Variants in RPL39L observed in about 807,000 individuals in gnomAD.
The protein encoded by RPL39L is ribosomal protein eL39-like 2.
For missense variants in RPL39L, 48 were observed against 58.9 expected, an observed-to-expected ratio of 0.81 and a Z score of 0.61; for synonymous variants, 16 against 20.1, an observed-to-expected ratio of 0.80 and a Z score of 0.55.
rs577325596 is a variant in RPL39L, at chr3:187,121,666, A to T, written c.-28-338T>A. ...TTTCAACTTTAAAAAAGTTACGAAC[A>T]GGTAATACCAGTTCATTACAGAAAA... On this transcript the variant is annotated intron_variant, in intron 2 of 2. Coordinates refer to ENST00000296277, the MANE Select transcript of RPL39L (RefSeq NM_052969.3). Among the ~76,000 whole-genome samples, 5 of 152,356 alleles carry T rather than the reference A, an allele frequency of 3.3e-5. No homozygotes were observed. The East Asian group carries it at 9.6e-4, about 29-fold the overall frequency.
chr3:187,131,913 A>C (rs1484168582), intron 1 of RPL39L, among the ~76,000 whole-genome samples: 1 of 152,190 alleles, frequency 6.6e-6, no homozygotes, highest in Non-Finnish European at 1.5e-5. Context: ...TAATGTCACT[A>C]TCTTGACTAT....
At chr3:187,131,160 G>A (rs898364802) in intron 1 of RPL39L, among the ~76,000 whole-genome samples, 9 of 152,076 alleles carry the variant, frequency 5.9e-5, no homozygotes, top group Non-Finnish European at 1.2e-4. Context: ...TTCTGTATTT[G>A]CGACCACTGT....
intron 1 of RPL39L, among the ~76,000 whole-genome samples, chr3:187,134,935 A>T (rs1324491788): frequency 6.6e-6 from 1 of 152,202 alleles, no homozygotes; most frequent in Non-Finnish European, 1.5e-5. Context: ...CACAGTGCTG[A>T]CCTGATCAGT....
intron 1 of RPL39L, among the ~76,000 whole-genome samples, chr3:187,138,792 C>T (rs924660866): frequency 5.3e-5 from 8 of 152,122 alleles, no homozygotes; most frequent in African/African-American, 9.7e-5. Context: ...AGGAGCAGTG[C>T]CTCACGCCTG....
At chr3:187,128,627 A>G (rs1295113433) in intron 1 of RPL39L, among the ~76,000 whole-genome samples, 1 of 152,146 alleles carries the variant, frequency 6.6e-6, no homozygotes, top group Non-Finnish European at 1.5e-5. Flanking sequence ...CTCCTGCCTC[A>G]GTCTCCTGAA....
chr3:187,132,707 A>G lies in RPL39L; in HGVS notation c.-92-4645T>C, dbSNP rs545056371. ...GCCTAGGATGTAGAAACCTAGAAAG[A>G]GCATCGCTCCTATGCCAACAACCAG... On this transcript the variant is annotated intron_variant, in intron 1 of 2. Coordinates refer to ENST00000296277, the MANE Select transcript of RPL39L (RefSeq NM_052969.3). 2.6e-5 allele frequency among the ~76,000 whole-genome samples: 4 copies of G among 152,334 alleles called. No individual in the cohort carries two copies. In the East Asian group the frequency reaches 7.7e-4, roughly 29 times the overall value.
chr3:187,132,769 A>T (rs1281230764), intron 1 of RPL39L, among the ~76,000 whole-genome samples: 1 of 152,206 alleles, frequency 6.6e-6, no homozygotes, highest in Non-Finnish European at 1.5e-5. Context: ...AACTCAGAGG[A>T]CTGAGGTTAG....
intron 1 of RPL39L, among the ~76,000 whole-genome samples, chr3:187,128,489 A>G (rs1286936909): frequency 6.6e-6 from 1 of 152,134 alleles, no homozygotes; most frequent in Non-Finnish European, 1.5e-5. Flanking sequence ...GGAAACCATT[A>G]TAACAGTTTT....
At chr3:187,134,036 A>C (rs1323139647) in intron 1 of RPL39L, among the ~76,000 whole-genome samples, 1 of 152,180 alleles carries the variant, frequency 6.6e-6, no homozygotes, top group Admixed American at 6.5e-5. Flanking sequence ...GAGGGAAAGT[A>C]ATCAACAGAA....
chr3:187,127,704 T>C (rs1720422295), intron 2 of RPL39L, among the ~76,000 whole-genome samples: 1 of 152,208 alleles, frequency 6.6e-6, no homozygotes, highest in Non-Finnish European at 1.5e-5. Context: ...AAGTATAAAA[T>C]GTAAAAGTTT....
Position 187,139,442 on chromosome 3 carries a change from G to C in RPL39L, c.-322C>G, listed in dbSNP as rs1260291854. Reference sequence around the variant, plus strand: ...TCGCCCCCACCTGGCGTTCGGAGGCGGTTGCCTCGCTGGGCGCAGCAATTC... The same window carrying C: ...TCGCCCCCACCTGGCGTTCGGAGGCCGTTGCCTCGCTGGGCGCAGCAATTC... On this transcript the variant is annotated 5_prime_UTR_variant, in exon 1 of 3. Coordinates refer to ENST00000296277, the MANE Select transcript of RPL39L (RefSeq NM_052969.3). 6.6e-6 allele frequency: 1 copy of C among 152,204 alleles called. No individual in the cohort carries two copies. The highest frequency in any genetic ancestry group is 6.5e-5 in the Admixed American group (1 of 15,286). The allele number at this position is 152,204 out of a possible 1,614,324, so 9.4% of individuals were successfully genotyped here.
intron 1 of RPL39L, among the ~76,000 whole-genome samples, chr3:187,138,517 G>A (rs1051855747): frequency 1.3e-5 from 2 of 152,196 alleles, no homozygotes; most frequent in East Asian, 3.8e-4. Flanking sequence ...AAGTGTTTGC[G>A]CCTGTGAGAA....
In RPL39L at chr3:187,127,891, A is replaced by C. The variant is rs192292871; in HGVS notation, c.-29+108T>G. ...TACAGCCTTCATCCCTAATTTAAAA[A>C]TATCTACAAAACTAAAAAGAAACTA... On this transcript the variant is annotated intron_variant, in intron 2 of 2. Transcript: ENST00000296277. The C allele has an allele frequency of 6.6e-5, 10 of 152,384 alleles. No individual in the cohort carries two copies. The East Asian group carries it at 1.9e-3, about 29-fold the overall frequency. 9.4% of individuals were successfully genotyped at this position (152,384 alleles called of 1,614,324 possible).
rs202061434 is a variant in RPL39L at position 187,126,236 on chromosome 3, A to G, written c.-29+1763T>C. 5.8e-3 allele frequency among the ~76,000 whole-genome samples: 868 copies of G among 150,218 alleles called. 16 individuals carry two copies. The highest frequency in any genetic ancestry group is 0.053 in the East Asian group (270 of 5,116). On this transcript the variant is annotated intron_variant, in intron 2 of 2. Transcript: ENST00000296277. Reference sequence around the variant, plus strand: ...GAGTGCAATGGCGCCATCTCAGCTCACTGCAACCTCTGCCTCCCGGGTTCA... The same window carrying G: ...GAGTGCAATGGCGCCATCTCAGCTCGCTGCAACCTCTGCCTCCCGGGTTCA...
At chr3:187,121,594 C>G (rs1056660639) in intron 2 of RPL39L, among the ~76,000 whole-genome samples, 1 of 152,086 alleles carries the variant, frequency 6.6e-6, no homozygotes, top group Non-Finnish European at 1.5e-5. Context: ...CATTTCTCAG[C>G]AACATACTTC....
intron 2 of RPL39L, among the ~76,000 whole-genome samples, chr3:187,127,225 C>A (rs986900894): frequency 5.3e-5 from 8 of 152,150 alleles, no homozygotes; most frequent in African/African-American, 9.7e-5. Context: ...CCATCCAGGT[C>A]ATTCTGAAGC....
chr3:187,134,459 C>T (rs1156380423), intron 1 of RPL39L, among the ~76,000 whole-genome samples: 4 of 138,208 alleles, frequency 2.9e-5, no homozygotes, highest in Non-Finnish European at 5.9e-5. Flanking sequence ...GTCAGTAGTG[C>T]CCAAACTACT....
intron 2 of RPL39L, among the ~76,000 whole-genome samples, chr3:187,121,661 C>T (rs1006797157): frequency 2.6e-5 from 4 of 151,984 alleles, no homozygotes; most frequent in South Asian, 2.1e-4. Flanking sequence ...AAAAAAGTTA[C>T]GAACAGGTAA....
chr3:187,131,577 T>G (rs1032054038), intron 1 of RPL39L, among the ~76,000 whole-genome samples: 2 of 152,152 alleles, frequency 1.3e-5, no homozygotes, highest in South Asian at 4.1e-4. Flanking sequence ...AAAAGAACTG[T>G]GGAAACAAAC....
Sources: gnomAD v4.1 joint callset for allele counts (sites outside exome capture counted in the v4.1 genomes callset) on GRCh38, gnomAD v4.1.1 for gene constraint, MANE v1.5 for transcripts, NCBI Gene and HGNC (gene_info 2026-07-23, HGNC 2026-07-21) for gene names.